Variants in KLHL4 observed in about 807,000 individuals in gnomAD.
KLHL4 encodes kelch like family member 4, also known as kelch-like protein 4.
In KLHL4, 17 loss-of-function variants were observed where a neutral mutation model predicts 45.8. The observed-to-expected ratio is 0.37, with a 90% confidence interval of 0.25 to 0.56. The LOEUF (loss-of-function observed/expected upper bound fraction) is 0.56, where lower values mean the gene tolerates loss of function less well. Among genes scored for constraint, KLHL4 ranks in the 20% least tolerant of loss-of-function variants. The pLI is 0.79. For missense variants in KLHL4, 544 were observed against 544.9 expected, an observed-to-expected ratio of 1.00 and a Z score of 0.02; for synonymous variants, 224 against 189.9, an observed-to-expected ratio of 1.18 and a Z score of -1.47.
chrX:87,606,800 T>C (rs1922213267), intron 1 of KLHL4, among the ~76,000 whole-genome samples: 1 of 111,743 alleles, frequency 8.9e-6, no homozygotes, highest in Non-Finnish European at 1.9e-5. Context: ...TTATTAATTC[T>C]AAAAATGTAG....
chrX:87,600,911 A>C (rs1921997043), intron 1 of KLHL4, among the ~76,000 whole-genome samples: 1 of 111,903 alleles, frequency 8.9e-6, no homozygotes, highest in African/African-American at 3.3e-5. Flanking sequence ...CCAACGTTTC[A>C]GTTAGATAGG....
intron 1 of KLHL4, among the ~76,000 whole-genome samples, chrX:87,525,606 TAAATC>T (rs909715415): frequency 4.5e-5 from 5 of 111,655 alleles, no homozygotes; most frequent in East Asian, 2.8e-4. Flanking sequence ...TGAGAAAACT[TAAATC>T]AAATCGTTTT....
intron 1 of KLHL4, among the ~76,000 whole-genome samples, chrX:87,530,814 T>C (rs1223780570): frequency 5.7e-5 from 6 of 105,840 alleles, no homozygotes; most frequent in African/African-American, 1.1e-4. Flanking sequence ...TCAAATGGTA[T>C]TTCCAGTTCT....
At chrX:87,617,018 T>G (rs1922579264) in intron 3 of KLHL4, among the ~76,000 whole-genome samples, 1 of 111,971 alleles carries the variant, frequency 8.9e-6, no homozygotes, top group African/African-American at 3.2e-5. Context: ...ATCAGCCATT[T>G]GAAACATTCT....
intron 1 of KLHL4, among the ~76,000 whole-genome samples, chrX:87,602,459 T>C (rs1009110999): frequency 2.7e-5 from 3 of 111,475 alleles, no homozygotes; most frequent in Admixed American, 9.6e-5. Context: ...TATTTTGTAC[T>C]GTATTTTCCT....
intron 1 of KLHL4, among the ~76,000 whole-genome samples, chrX:87,529,593 C>A (rs980400877): frequency 1.8e-5 from 2 of 111,191 alleles, no homozygotes; most frequent in Admixed American, 9.6e-5. Context: ...TTATTAAATT[C>A]TCTATATGTG....
chrX:87,633,968 C>T (rs767243316), intron 8 of KLHL4, 57 bp downstream of exon 8: 22 of 961,670 alleles, frequency 2.3e-5, no homozygotes, highest in South Asian at 1.2e-4. Flanking sequence ...TATAGAACTT[C>T]GGTGACATGA....
At chrX:87,558,173 G>A (rs1302602713) in intron 1 of KLHL4, among the ~76,000 whole-genome samples, 1 of 111,438 alleles carries the variant, frequency 9.0e-6, no homozygotes, top group Non-Finnish European at 1.9e-5. Context: ...ATCTAAAAAG[G>A]CACAATAAGT....
intron 1 of KLHL4, among the ~76,000 whole-genome samples, chrX:87,548,320 T>C: frequency 9.0e-6 from 1 of 111,484 alleles, no homozygotes; most frequent in East Asian, 2.8e-4. Flanking sequence ...AAGCTAAAGA[T>C]TTCCCTCAAC....
chrX:87,667,779 A>T lies in KLHL4; in HGVS notation c.*1245A>T. The T allele has an allele frequency of 1.4e-6, 1 of 692,113 alleles. No homozygotes were observed. Among genetic ancestry groups the T allele is most frequent in the Non-Finnish European group, 1.7e-6 (1 of 582,507 alleles). The allele number at this position is 692,113 out of a possible 1,213,427, so 57.0% of individuals were successfully genotyped here. A position where few individuals can be genotyped will look rare whatever the true frequency, so the allele number is the denominator to read the frequency against. ...GAATTTCTACAAATAAGTTCTTTTA[A>T]ACAGTCTTTTTATTGTGGATTGTGA... On this transcript the variant is annotated 3_prime_UTR_variant, in exon 11 of 11. Transcript: ENST00000373119.
chrX:87,546,350 G>A (rs1358458973), intron 1 of KLHL4, among the ~76,000 whole-genome samples: 1 of 111,999 alleles, frequency 8.9e-6, no homozygotes, highest in African/African-American at 3.2e-5. Context: ...GTTTTAGAGG[G>A]TGTAAGCCCC....
intron 1 of KLHL4, among the ~76,000 whole-genome samples, chrX:87,606,048 T>C (rs1228015667): frequency 9.0e-6 from 1 of 111,641 alleles, no homozygotes; most frequent in South Asian, 3.7e-4. Context: ...TTGCATATGG[T>C]GAACTCTCCT....
chrX:87,662,704 C>A (rs1445262235), intron 9 of KLHL4, among the ~76,000 whole-genome samples: 1 of 110,220 alleles, frequency 9.1e-6, no homozygotes, highest in African/African-American at 3.3e-5. Context: ...CTGAGGCGGG[C>A]GGATCACGAG....
intron 9 of KLHL4, among the ~76,000 whole-genome samples, chrX:87,650,613 A>T (rs920780874): frequency 8.9e-6 from 1 of 112,295 alleles, no homozygotes; most frequent in Non-Finnish European, 1.9e-5. Context: ...ATTAAGTATG[A>T]TAGTAGCTCT....
chrX:87,542,391 C>T (rs4828469), intron 1 of KLHL4, among the ~76,000 whole-genome samples: 26,251 of 111,430 alleles, frequency 0.24, 2,661 homozygotes, highest in East Asian at 0.51. Flanking sequence ...TCATCACAGG[C>T]CTGGAGGCCT....
At chrX:87,618,267 G>GAT in intron 4 of KLHL4, 139 bp downstream of exon 4, 1 of 424,853 alleles carries the variant, frequency 2.4e-6, no homozygotes, top group Admixed American at 5.0e-5. Flanking sequence ...GTCTGGTTGA[G>GAT]CTGCACTCAG....
chrX:87,550,423 A>T (rs1393137888), intron 1 of KLHL4, among the ~76,000 whole-genome samples: 1 of 111,525 alleles, frequency 9.0e-6, no homozygotes, highest in Non-Finnish European at 1.9e-5. Flanking sequence ...ATTTTACCAG[A>T]CATTCAAAGA....
At position 87,635,595 on chromosome X, in the gene KLHL4, C is replaced by T. The variant is rs957607322; in HGVS notation, c.1745C>T (p.Ser582Phe). 8.3e-7 allele frequency: 1 copy of T among 1,210,197 alleles called. No homozygotes were observed. The highest frequency in any genetic ancestry group is 1.1e-6 in the Non-Finnish European group (1 of 894,473). ...LYAIGGRDGS[S>F]CLKSMEYFDP... ...GCTATTGGTGGACGTGATGGAAGTT[C>T]CTGCCTCAAATCAATGGAATACTTT... The change falls in exon 9 of 11, where the codon TCC becomes TTC. Residue 582 changes from serine (S) to phenylalanine (F), a missense_variant. Physicochemically the swap from Ser to Phe is radical, Grantham distance 155. Coordinates refer to ENST00000373119, the MANE Select transcript of KLHL4 (RefSeq NM_019117.5).
intron 9 of KLHL4, among the ~76,000 whole-genome samples, chrX:87,650,186 C>G (rs1602464674): frequency 9.0e-6 from 1 of 111,076 alleles, no homozygotes; most frequent in African/African-American, 3.3e-5. Context: ...CTGCATGCTC[C>G]CCAAGTTCAT....
Sources: allele counts gnomAD v4.1 joint callset (sites outside exome capture counted in the v4.1 genomes callset), GRCh38; gene constraint gnomAD v4.1.1; transcripts MANE v1.5; gene names NCBI Gene and HGNC (gene_info 2026-07-23, HGNC 2026-07-21).